The following SNX29 variants were observed in gnomAD, a reference collection of about 807,000 sequenced individuals.
The protein encoded by SNX29 is sorting nexin-29.
In SNX29, 78 loss-of-function variants were observed where a neutral mutation model predicts 102.1. That is an observed-to-expected ratio of 0.76 (90% confidence interval 0.64 to 0.92). SNX29 has a LOEUF of 0.92. Ranked by LOEUF, SNX29 falls within the 40% of genes least tolerant of loss-of-function variation. SNX29 has a pLI of 0.00. For missense variants in SNX29, 1,280 were observed against 1,061.7 expected, an observed-to-expected ratio of 1.21 and a Z score of -2.86; for synonymous variants, 580 against 414.5, an observed-to-expected ratio of 1.40 and a Z score of -4.85.
intron 8 of SNX29, among the ~76,000 whole-genome samples, chr16:12,058,797 GTTTT>G (rs34150245): frequency 5.3e-5 from 6 of 113,744 alleles, no homozygotes; most frequent in Admixed American, 3.0e-4. Flanking sequence ...CCCGGCCTGG[GTTTT>G]TTTTTTTTTT....
At chr16:12,220,936 G>A (rs1020723952) in intron 14 of SNX29, among the ~76,000 whole-genome samples, 1 of 152,100 alleles carries the variant, frequency 6.6e-6, no homozygotes, top group African/African-American at 2.4e-5. Context: ...AAGGGGGGTG[G>A]TAGCGCTGCA....
chr16:12,156,637 G>T lies in SNX29; in HGVS notation c.1595+26879G>T, dbSNP rs1239651546. Among the ~76,000 whole-genome samples the T allele has an allele frequency of 2.0e-5, 3 of 152,236 alleles. No homozygotes were observed. The East Asian group carries it at 5.8e-4, about 29-fold the overall frequency. On this transcript the variant is annotated intron_variant, in intron 13 of 20. Coordinates refer to ENST00000566228, the MANE Select transcript of SNX29 (RefSeq NM_032167.5). ...CCTGTTTGTCTTCAAAACTGATTTTGTAAGTGCTGAGAGCCGTGTTTTGTT... is the reference window on the plus strand; with the variant it reads ...CCTGTTTGTCTTCAAAACTGATTTTTTAAGTGCTGAGAGCCGTGTTTTGTT...
At chr16:12,481,096 G>T (rs1373949372) in intron 19 of SNX29, among the ~76,000 whole-genome samples, 1 of 152,108 alleles carries the variant, frequency 6.6e-6, no homozygotes, top group African/African-American at 2.4e-5. Context: ...GCCTGTGTCA[G>T]CCAAGCAATG....
At chr16:12,259,821 T>G (rs1309747850) in intron 14 of SNX29, among the ~76,000 whole-genome samples, 1 of 150,346 alleles carries the variant, frequency 6.7e-6, no homozygotes, top group East Asian at 2.0e-4. Context: ...CCTCCCCATG[T>G]GACTTTGATG....
chr16:12,176,764 T>G (rs1349960674), intron 13 of SNX29, among the ~76,000 whole-genome samples: 2 of 152,120 alleles, frequency 1.3e-5, no homozygotes, highest in Non-Finnish European at 2.9e-5. Flanking sequence ...TGTTTTAGTG[T>G]GAATTGTGAA....
intron 16 of SNX29, among the ~76,000 whole-genome samples, chr16:12,360,898 G>A (rs1380106152): frequency 1.3e-5 from 2 of 152,190 alleles, no homozygotes; most frequent in Non-Finnish European, 2.9e-5. Context: ...TTCTGTGAGT[G>A]TGTATGTAAT....
chr16:12,032,393 A>G (rs1390091760), intron 4 of SNX29, among the ~76,000 whole-genome samples: 2 of 151,716 alleles, frequency 1.3e-5, no homozygotes, highest in Non-Finnish European at 2.9e-5. Flanking sequence ...TTTTTAGTAG[A>G]TACGTGGTTT....
chr16:12,512,370 AT>A (rs1480269003), intron 19 of SNX29, among the ~76,000 whole-genome samples: 5 of 6,442 alleles, frequency 7.8e-4, no homozygotes, highest in South Asian at 8.1e-3. Context: ...CCCAGGGAAA[AT>A]ATATATATAT....
intron 14 of SNX29, among the ~76,000 whole-genome samples, chr16:12,245,880 G>A (rs1202007389): frequency 6.6e-6 from 1 of 152,150 alleles, no homozygotes; most frequent in Non-Finnish European, 1.5e-5. Context: ...TGGGGCTGCA[G>A]GTTACGTGTT....
rs1015415197 is a variant in SNX29 at position 12,570,117 on chromosome 16, T to C, written c.*1488T>C. The C allele has an allele frequency of 2.9e-6, 3 of 1,028,036 alleles. No homozygotes were observed. Among genetic ancestry groups the C allele is most frequent in the African/African-American group, 3.3e-5 (2 of 60,156 alleles). The allele number at this position is 1,028,036 out of a possible 1,614,324, so 63.7% of individuals were successfully genotyped here. A position where few individuals can be genotyped will look rare whatever the true frequency, so the allele number is the denominator to read the frequency against. ...CCCCTCGTAGCAAAAAGGAAGATTG[T>C]TCATGGCCTTTAAGGAAGGCTGAGA... is the stretch of plus-strand genomic sequence containing the variant. On this transcript the variant is annotated 3_prime_UTR_variant, in exon 21 of 21. Transcript: ENST00000566228.
chr16:12,417,874 G>A (rs777628591), intron 18 of SNX29, among the ~76,000 whole-genome samples: 4 of 152,206 alleles, frequency 2.6e-5, no homozygotes, highest in East Asian at 1.9e-4. Context: ...GAAGAGAAGC[G>A]CTGTATGCCG....
chr16:12,051,491 C>G (rs918244482), intron 7 of SNX29, among the ~76,000 whole-genome samples: 2 of 152,198 alleles, frequency 1.3e-5, no homozygotes, highest in Admixed American at 6.5e-5. Flanking sequence ...GACTACACCC[C>G]CCAGCTGGTT....
chr16:12,457,597 A>G (rs547807315), intron 18 of SNX29, among the ~76,000 whole-genome samples: 56 of 152,292 alleles, frequency 3.7e-4, no homozygotes, highest in African/African-American at 1.3e-3. Flanking sequence ...TCACGTCTCC[A>G]CCACTCACTC....
intron 1 of SNX29, among the ~76,000 whole-genome samples, chr16:11,982,042 TA>T (rs548031551): frequency 4.6e-3 from 637 of 138,504 alleles, no homozygotes; most frequent in Non-Finnish European, 4.6e-3. Context: ...TCATCTCAAT[TA>T]AAAAAAAAAA....
chr16:12,444,853 T>TG (rs2085976820), intron 18 of SNX29, among the ~76,000 whole-genome samples: 2 of 150,374 alleles, frequency 1.3e-5, no homozygotes, highest in South Asian at 2.1e-4. Flanking sequence ...TTTTTTTTTT[T>TG]TTTTGAGACA....
intron 13 of SNX29, among the ~76,000 whole-genome samples, chr16:12,141,620 C>T (rs941745190): frequency 3.3e-5 from 5 of 152,224 alleles, no homozygotes; most frequent in African/African-American, 9.6e-5. Flanking sequence ...CTGGAAGTGA[C>T]GGTTCCTCCC....
intron 13 of SNX29, among the ~76,000 whole-genome samples, chr16:12,174,639 C>G (rs2076220772): frequency 6.6e-6 from 1 of 152,188 alleles, no homozygotes; most frequent in Non-Finnish European, 1.5e-5. Flanking sequence ...TTCAAGGCAG[C>G]ATTTGAGCCA....
chr16:12,413,942 G>A (rs1004566024), intron 18 of SNX29, among the ~76,000 whole-genome samples: 1 of 152,238 alleles, frequency 6.6e-6, no homozygotes, highest in Non-Finnish European at 1.5e-5. Flanking sequence ...ATCTGAGGGT[G>A]CTCAAGTCCC....
chr16:12,552,492 T>C (rs1362309916), intron 20 of SNX29, among the ~76,000 whole-genome samples: 2 of 152,190 alleles, frequency 1.3e-5, no homozygotes, highest in East Asian at 3.9e-4. Flanking sequence ...GCCTCAGGAA[T>C]CTTGCTCAAA....
Sources: gnomAD v4.1 joint callset for allele counts (sites outside exome capture counted in the v4.1 genomes callset) on GRCh38, gnomAD v4.1.1 for gene constraint, MANE v1.5 for transcripts, NCBI Gene and HGNC (gene_info 2026-07-23, HGNC 2026-07-21) for gene names.